Variants in FAT2 observed in about 807,000 individuals in gnomAD.
FAT2 encodes protocadherin Fat 2.
FAT2 carries 150 observed loss-of-function variants against 295.3 expected under a neutral mutation model. The observed-to-expected ratio is 0.51, with a 90% CI of 0.44 to 0.58. FAT2 has a LOEUF of 0.58. FAT2 is among the 20% of genes least tolerant of loss of function. The pLI, the probability that FAT2 is intolerant of heterozygous loss-of-function variation, is 0.00. For synonymous variants in FAT2, 2,026 were observed against 2,150.3 expected (o/e 0.94, Z 1.60); for missense variants, 4,868 against 5,442.7 (o/e 0.89, Z 3.32).
intron 1 of FAT2, among the ~76,000 whole-genome samples, chr5:151,575,492 T>C (rs1758708200): frequency 6.6e-6 from 1 of 152,182 alleles, no homozygotes; most frequent in Non-Finnish European, 1.5e-5. Context: ...GAGAAGATAA[T>C]GGTACTCACC....
In FAT2 at chr5:151,537,955, G is replaced by A; in HGVS notation, c.9040-9C>T. On this transcript the variant is annotated splice_polypyrimidine_tract_variant and intron_variant, in intron 11 of 23. Transcript: ENST00000261800. ...TTGCCAGTATAGAGAAGCTAGAGAT[G>A]GAAAGACAAAGAAGAGGGAGACTGT... 1 of 1,612,796 alleles carries A rather than the reference G, an allele frequency of 6.2e-7. No individual in the cohort carries two copies. The highest frequency in any genetic ancestry group is 1.1e-5 in the South Asian group (1 of 90,818).
intron 3 of FAT2, among the ~76,000 whole-genome samples, chr5:151,557,406 C>T (rs1228585272): frequency 2.0e-5 from 3 of 152,174 alleles, no homozygotes; most frequent in Non-Finnish European, 2.9e-5. Flanking sequence ...ATCCCCCTGG[C>T]CCTTGCAACT....
Position 151,531,895 on chromosome 5 carries a change from AC to A in FAT2, c.9502del (p.Val3168Ter). On this transcript the variant is annotated frameshift_variant, in exon 14 of 24. Transcript: ENST00000261800. LOFTEE classifies it high-confidence loss of function. The surrounding 1 kb of genome is among the most constrained non-coding windows in gnomAD (Gnocchi z 5.7). ...CTGCAGCGGCTTTTCCAGGCGGATC[AC>A]CCCCGTGGTGGCGTCGATGGAAAAG... ...GHFSIDATTG[V>X]IRLEKPLQVR... The A allele has an allele frequency of 6.2e-7, 1 of 1,614,076 alleles. No homozygotes were observed.
At position 151,544,449 on chromosome 5, in the gene FAT2, T is replaced by G; in HGVS notation, c.6678A>C (p.Thr2226=). The G allele has an allele frequency of 6.2e-7, 1 of 1,614,188 alleles. No individual in the cohort carries two copies. Among genetic ancestry groups the G allele is most frequent in the Non-Finnish European group, 8.5e-7 (1 of 1,180,030 alleles). ...ACTCATAGTCCAAAGGCCCTGTTAC[T>G]GTTAGGACACCAGTCTTGAAGTCAG... ...FTTDFKTGVL[T]VTGPLDYESK... The change falls in exon 10 of 24, where the codon ACA becomes ACC. Residue 2226 remains threonine, a synonymous_variant. Transcript: ENST00000261800.
At position 151,542,940 on chromosome 5, in the gene FAT2, G is replaced by T; in HGVS notation, c.8187C>A (p.Gly2729=). ...QDPVIYSLVR[G]TTPESNKDGV... ...CATCCTTGTTGCTCTCAGGTGTAGT[G>T]CCCCGCACTAGACTGTAGATGACTG... The change falls in exon 10 of 24, where the codon GGC becomes GGA. Residue 2729 remains glycine, a synonymous_variant. Coordinates refer to ENST00000261800, the MANE Select transcript of FAT2 (RefSeq NM_001447.3). 1 of 1,614,178 alleles carries T rather than the reference G, an allele frequency of 6.2e-7. No homozygotes were observed. The highest frequency in any genetic ancestry group is 1.1e-5 in the South Asian group (1 of 91,086).
At chr5:151,546,572 C>A (rs1039165994) in intron 9 of FAT2, among the ~76,000 whole-genome samples, 1 of 152,174 alleles carries the variant, frequency 6.6e-6, no homozygotes, top group African/African-American at 2.4e-5. Context: ...TGGGACACAA[C>A]TTAAGCTACA....
Position 151,585,391 on chromosome 5 carries a change from T to C in FAT2, c.-21+5774A>G, listed in dbSNP as rs371278736. 9.2e-5 allele frequency among the ~76,000 whole-genome samples: 14 copies of C among 152,346 alleles called. No homozygotes were observed. In the East Asian group the frequency reaches 2.3e-3, roughly 25 times the overall value. ...CTTTGGGAGGCCAAGGCAGGTTGGATCACTTGAGGTCAGGAGTTCGAGACC... is the reference window on the plus strand; with the variant it reads ...CTTTGGGAGGCCAAGGCAGGTTGGACCACTTGAGGTCAGGAGTTCGAGACC... On this transcript the variant is annotated intron_variant, in intron 1 of 23. Transcript: ENST00000261800.
At chr5:151,575,049 T>G (rs1464264059) in intron 1 of FAT2, among the ~76,000 whole-genome samples, 1 of 152,206 alleles carries the variant, frequency 6.6e-6, no homozygotes, top group Non-Finnish European at 1.5e-5. Context: ...AACACCTTAT[T>G]AGAACCAATA....
intron 3 of FAT2, among the ~76,000 whole-genome samples, chr5:151,562,186 G>A (rs1408488588): frequency 1.3e-5 from 2 of 152,284 alleles, no homozygotes; most frequent in South Asian, 2.1e-4. Context: ...TCTGCTCCAG[G>A]AGTCCCAGCG....
At chr5:151,522,725 G>A (rs924865514) in intron 18 of FAT2, among the ~76,000 whole-genome samples, 1 of 152,208 alleles carries the variant, frequency 6.6e-6, no homozygotes, top group African/African-American at 2.4e-5. Flanking sequence ...TGAGGGATGA[G>A]AAGAAGAGGC....
At position 151,507,273 on chromosome 5, in the gene FAT2, G is replaced by C. The variant is rs370614755; in HGVS notation, c.12398C>G (p.Pro4133Arg). ...SVPNELVTFG[P>R]NSKQRPVVCS... is the part of the protein sequence containing the mutation. ...GACCACTGGCCGTTGCTTAGAATTG[G>C]GTCCAAATGTGACGAGTTCATTTGG... is the stretch of plus-strand genomic sequence containing the variant. Residue 4133 changes from proline (P) to arginine (R), a missense_variant, in exon 23 of 24, where the codon CCC becomes CGC. Pro to Arg is a moderately radical substitution (Grantham distance 103). Coordinates refer to ENST00000261800, the MANE Select transcript of FAT2 (RefSeq NM_001447.3). 2 of 1,614,040 alleles carry C rather than the reference G, an allele frequency of 1.2e-6. No homozygotes were observed. The highest frequency in any genetic ancestry group is 2.7e-5 in the African/African-American group (2 of 74,906).
intron 20 of FAT2, among the ~76,000 whole-genome samples, chr5:151,513,840 T>G (rs1033703497): frequency 2.0e-5 from 3 of 152,224 alleles, no homozygotes; most frequent in African/African-American, 7.2e-5. Context: ...TTTTTAAATA[T>G]CTCAGTTTTA....
chr5:151,556,125 A>G, intron 4 of FAT2: 1 of 572,588 alleles, frequency 1.7e-6, no homozygotes, highest in African/African-American at 1.9e-5. Flanking sequence ...CTAATCAATC[A>G]ATGGTGCCTA....
chr5:151,568,375 G>C lies in FAT2; in HGVS notation c.557C>G (p.Ala186Gly). ...AAACATCTCTGACCTTGTGTTAAAGGCATAATAGAACTCAGCATTCTGGCC... is the reference window on the plus strand; with the variant it reads ...AAACATCTCTGACCTTGTGTTAAAGCCATAATAGAACTCAGCATTCTGGCC... The part of the protein sequence containing the change: ...DLGQNAEFYY[A>G]FNTRSEMFAI... The change falls in exon 2 of 24, where the codon GCC becomes GGC. Residue 186 changes from alanine (A) to glycine (G), a missense_variant. By Grantham distance (60) the Ala-to-Gly change is moderately conservative. Transcript: ENST00000261800. The C allele has an allele frequency of 2.5e-6, 4 of 1,614,148 alleles. No individual in the cohort carries two copies.
At chr5:151,546,933 G>C (rs1294048143) in intron 9 of FAT2, among the ~76,000 whole-genome samples, 2 of 152,062 alleles carry the variant, frequency 1.3e-5, no homozygotes, top group Non-Finnish European at 2.9e-5. Context: ...CATATCTCAA[G>C]GCTCCTGAGC....
chr5:151,545,966 C>T lies in FAT2; in HGVS notation c.5161G>A (p.Glu1721Lys). The change falls in exon 10 of 24, where the codon GAG (glutamate) becomes AAG (lysine). Residue 1721 changes from glutamate to lysine, a missense_variant. Transcript: ENST00000261800. ...TTCAGCTGGTAAGACGAGATTTTCT[C>T]ATGGTCCAATTTCTTCTGGGTGGAA... ...LISTQKKLDH[E>K]KISSYQLKIR... is the part of the protein sequence containing the mutation. 6.2e-7 allele frequency: 1 copy of T among 1,614,158 alleles called. No individual in the cohort carries two copies. Among genetic ancestry groups the T allele is most frequent in the Non-Finnish European group, 8.5e-7 (1 of 1,180,010 alleles).
At chr5:151,546,468 C>T (rs1336531759) in intron 9 of FAT2, 131 bp from the exon 10 acceptor site, 3 of 626,136 alleles carry the variant, frequency 4.8e-6, no homozygotes, top group South Asian at 3.9e-5. Flanking sequence ...TATACCCACC[C>T]TGGATATAGT....
chr5:151,542,697 C>T lies in FAT2; in HGVS notation c.8430G>A (p.Met2810Ile), dbSNP rs2127605905. ...CTTGAATGACTGAGGTCCCCACTGG[C>T]ATATTCTCAGTGAGGACAGCCTTAT... ...DPYKAVLTEN[M>I]PVGTSVIQVT... Residue 2810 changes from methionine to isoleucine, a missense_variant, in exon 10 of 24, where the codon ATG becomes ATA. Around this residue, in one of 5 missense-constraint regions of FAT2, gnomAD observed 3,297 missense variants for 3,669.4 expected, o/e 0.90. Coordinates refer to ENST00000261800, the MANE Select transcript of FAT2 (RefSeq NM_001447.3). The T allele has an allele frequency of 6.2e-7, 1 of 1,614,244 alleles. No individual in the cohort carries two copies. Among genetic ancestry groups the T allele is most frequent in the Admixed American group, 1.7e-5 (1 of 60,030 alleles).
chr5:151,556,307 A>G, intron 4 of FAT2, 37 bp downstream of exon 4: 2 of 1,592,594 alleles, frequency 1.3e-6, no homozygotes, highest in Non-Finnish European at 1.7e-6. Context: ...ACATGGCTCC[A>G]CAAATCACCA....
Sources: allele counts gnomAD v4.1 joint callset (sites outside exome capture counted in the v4.1 genomes callset), GRCh38; gene constraint gnomAD v4.1.1; regional missense constraint gnomAD v4.1.1; non-coding constraint Gnocchi (gnomAD v3.1); transcripts MANE v1.5; gene names NCBI Gene and HGNC (gene_info 2026-07-23, HGNC 2026-07-21).